Variants in CADPS2 observed in about 807,000 individuals in gnomAD.
CADPS2 encodes calcium dependent secretion activator 2.
Under a neutral mutation model 172.5 loss-of-function variants are expected in CADPS2, and 93 were observed. The observed-to-expected ratio is 0.54, with a 90% confidence interval of 0.46 to 0.64. CADPS2 has a LOEUF of 0.64. CADPS2 is among the 30% of genes least tolerant of loss of function. CADPS2 has a pLI of 0.00. For missense variants in CADPS2, 1,420 were observed against 1,565.9 expected, an observed-to-expected ratio of 0.91 and a Z score of 1.57; for synonymous variants, 546 against 555.2, an observed-to-expected ratio of 0.98 and a Z score of 0.23.
intron 29 of CADPS2, among the ~76,000 whole-genome samples, chr7:122,324,044 G>A (rs979778760): frequency 9.2e-5 from 14 of 151,592 alleles, no homozygotes; most frequent in Admixed American, 6.6e-4. Context: ...CTATCATATT[G>A]TCCTTTCAGT....
chr7:122,520,985 G>A (rs1453443232), intron 8 of CADPS2, among the ~76,000 whole-genome samples: 1 of 151,950 alleles, frequency 6.6e-6, no homozygotes, highest in Admixed American at 6.6e-5. Flanking sequence ...TGAGTCTAGC[G>A]CTTTATTCAA....
intron 15 of CADPS2, among the ~76,000 whole-genome samples, chr7:122,445,333 C>T (rs943411033): frequency 6.6e-6 from 1 of 151,996 alleles, no homozygotes; most frequent in Non-Finnish European, 1.5e-5. Flanking sequence ...CCCATGAGTA[C>T]AGTATCTCTC....
At chr7:122,513,116 ACTG>A in intron 9 of CADPS2, 130 bp downstream of exon 9, 1 of 625,086 alleles carries the variant, frequency 1.6e-6, no homozygotes, top group Non-Finnish European at 2.8e-6. Flanking sequence ...TAATGAATGT[ACTG>A]CTTTTATTTA....
intron 6 of CADPS2, among the ~76,000 whole-genome samples, chr7:122,605,281 C>A (rs2073362339): frequency 6.6e-6 from 1 of 151,970 alleles, no homozygotes; most frequent in East Asian, 1.9e-4. Context: ...AAAAACTGAA[C>A]ACTTAGGCTA....
intron 8 of CADPS2, among the ~76,000 whole-genome samples, chr7:122,527,266 G>A (rs567526152): frequency 2.6e-5 from 4 of 151,878 alleles, no homozygotes; most frequent in Non-Finnish European, 4.4e-5. Flanking sequence ...CCTTTATGCC[G>A]AAAAGGGACT....
chr7:122,339,322 T>G (rs903754770), intron 28 of CADPS2, among the ~76,000 whole-genome samples: 2 of 152,204 alleles, frequency 1.3e-5, no homozygotes, highest in Admixed American at 6.5e-5. Context: ...AAAGTTCTAT[T>G]TAATGGTCAC....
intron 2 of CADPS2, among the ~76,000 whole-genome samples, chr7:122,707,701 T>C (rs1367110816): frequency 2.6e-5 from 4 of 151,894 alleles, no homozygotes; most frequent in African/African-American, 9.7e-5. Context: ...ATATTGACTC[T>C]AAAGTACCTC....
chr7:122,625,794 C>G (rs1194200988), intron 4 of CADPS2, among the ~76,000 whole-genome samples: 1 of 152,148 alleles, frequency 6.6e-6, no homozygotes, highest in Admixed American at 6.6e-5. Flanking sequence ...CACACACACA[C>G]ACATATATAT....
intron 1 of CADPS2, among the ~76,000 whole-genome samples, chr7:122,858,209 G>C (rs561449319): frequency 2.3e-4 from 35 of 152,162 alleles, no homozygotes; most frequent in Middle Eastern, 3.4e-3. Flanking sequence ...CAATCCTCTT[G>C]TAAGACAGAA....
intron 6 of CADPS2, among the ~76,000 whole-genome samples, chr7:122,610,291 T>C (rs1376012636): frequency 6.6e-6 from 1 of 151,620 alleles, no homozygotes; most frequent in Admixed American, 6.6e-5. Context: ...TATTGAAAAT[T>C]AAATAACAGC....
intron 7 of CADPS2, among the ~76,000 whole-genome samples, chr7:122,574,198 C>G (rs2132613104): frequency 6.6e-6 from 1 of 151,864 alleles, no homozygotes; most frequent in African/African-American, 2.4e-5. Flanking sequence ...GGAATCCAAG[C>G]AATCTGGGGG....
chr7:122,564,228 T>C (rs2066113738), intron 7 of CADPS2, among the ~76,000 whole-genome samples: 1 of 152,112 alleles, frequency 6.6e-6, no homozygotes, highest in African/African-American at 2.4e-5. Context: ...CCTTTCCAAG[T>C]TGGAATACTT....
At chr7:122,380,602 C>T (rs1367769268) in intron 24 of CADPS2, among the ~76,000 whole-genome samples, 1 of 152,046 alleles carries the variant, frequency 6.6e-6, no homozygotes, top group Non-Finnish European at 1.5e-5. Context: ...AAGTGGTTAT[C>T]ATAAACCTGC....
At chr7:122,839,341 G>C (rs1417640165) in intron 1 of CADPS2, among the ~76,000 whole-genome samples, 1 of 152,030 alleles carries the variant, frequency 6.6e-6, no homozygotes, top group African/African-American at 2.4e-5. Flanking sequence ...AGAAAACCTA[G>C]GCAATACCAT....
At chr7:122,707,056 AG>A (rs1456929918) in intron 2 of CADPS2, among the ~76,000 whole-genome samples, 1 of 151,796 alleles carries the variant, frequency 6.6e-6, no homozygotes, top group East Asian at 1.9e-4. Context: ...TGTGTTACTA[AG>A]GGGAAAGACA....
intron 5 of CADPS2, among the ~76,000 whole-genome samples, chr7:122,620,127 CTG>C (rs375412692): frequency 1.6e-4 from 24 of 152,292 alleles, no homozygotes; most frequent in African/African-American, 5.5e-4. Context: ...AAATTGAAAA[CTG>C]TTCTTCGTAA....
intron 11 of CADPS2, among the ~76,000 whole-genome samples, chr7:122,488,834 A>C (rs1370347219): frequency 6.6e-6 from 1 of 152,182 alleles, no homozygotes; most frequent in African/African-American, 2.4e-5. Context: ...AATTTAAGAT[A>C]TGTTCAATTG....
chr7:122,443,668 A>G (rs2051689569), intron 15 of CADPS2, among the ~76,000 whole-genome samples: 3 of 146,676 alleles, frequency 2.0e-5, no homozygotes. Context: ...TTTTAAATGA[A>G]AGCCAGAAAT....
chr7:122,564,636 A>G lies in CADPS2; in HGVS notation c.1336-9947T>C, dbSNP rs144501076. Among the ~76,000 whole-genome samples, 103 of 152,186 alleles carry G rather than the reference A, an allele frequency of 6.8e-4. 2 individuals are homozygous for G. The East Asian group carries it at 0.015, about 22-fold the overall frequency. On this transcript the variant is annotated intron_variant, in intron 7 of 29. Transcript: ENST00000449022. Reference sequence around the variant, plus strand: ...ATTTCTTAAAGAACTAAAAATAGAAATATCATTAGATCCAGCAATCCCACT... The same window carrying G: ...ATTTCTTAAAGAACTAAAAATAGAAGTATCATTAGATCCAGCAATCCCACT...
Sources: gnomAD v4.1 joint callset for allele counts (sites outside exome capture counted in the v4.1 genomes callset) on GRCh38, gnomAD v4.1.1 for gene constraint, MANE v1.5 for transcripts, NCBI Gene and HGNC (gene_info 2026-07-23, HGNC 2026-07-21) for gene names.